ADAMTS16: variants seen among roughly 807,000 people sequenced by gnomAD.
ADAMTS16 encodes A disintegrin and metalloproteinase with thrombospondin motifs 16.
Under a neutral mutation model 145.8 loss-of-function variants are expected in ADAMTS16, and 94 were observed. That is an observed-to-expected ratio of 0.64 (90% CI 0.55 to 0.77). The LOEUF (loss-of-function observed/expected upper bound fraction) is 0.77. ADAMTS16 is among the 30% of genes least tolerant of loss of function. The probability of loss-of-function intolerance (pLI) is 0.00; values close to 1 mark genes in which losing one functional copy is unlikely to be tolerated. For synonymous variants in ADAMTS16, 659 were observed against 604.3 expected (o/e 1.09, Z -1.33); for missense variants, 1,585 against 1,591.5 (o/e 1.00, Z 0.07).
intron 8 of ADAMTS16, 62 bp downstream of exon 8, chr5:5,191,852 G>A (rs1005165593): frequency 3.1e-5 from 39 of 1,260,846 alleles, no homozygotes; most frequent in Non-Finnish European, 4.2e-5. Context: ...TGATTTCCAT[G>A]GAAATATTGA....
intron 17 of ADAMTS16, among the ~76,000 whole-genome samples, chr5:5,250,735 G>GTGTGTGTGTT (rs1737598666): frequency 1.3e-5 from 2 of 150,896 alleles, no homozygotes; most frequent in Admixed American, 1.3e-4. Flanking sequence ...GTGTGTGTGT[G>GTGTGTGTGTT]TGCGCGCACT....
chr5:5,186,771 T>C (rs1735513530), intron 5 of ADAMTS16, among the ~76,000 whole-genome samples: 1 of 152,242 alleles, frequency 6.6e-6, no homozygotes, highest in Admixed American at 6.5e-5. Context: ...TATTAATCAC[T>C]GAAGAGTGAT....
chr5:5,299,559 A>G (rs910660950), intron 18 of ADAMTS16, among the ~76,000 whole-genome samples: 1 of 152,128 alleles, frequency 6.6e-6, no homozygotes, highest in Non-Finnish European at 1.5e-5. Flanking sequence ...TTGAGAAATG[A>G]CTAAAGACTG....
At chr5:5,248,426 A>G (rs536505984) in intron 17 of ADAMTS16, among the ~76,000 whole-genome samples, 1 of 152,352 alleles carries the variant, frequency 6.6e-6, no homozygotes, top group African/African-American at 2.4e-5. Flanking sequence ...GTCTTTCCAC[A>G]GCTAATGGAT....
intron 18 of ADAMTS16, among the ~76,000 whole-genome samples, chr5:5,301,840 T>G (rs1739790081): frequency 6.6e-6 from 1 of 152,124 alleles, no homozygotes; most frequent in African/African-American, 2.4e-5. Flanking sequence ...CTGTCCTGGG[T>G]TCTCAGCACA....
intron 21 of ADAMTS16, among the ~76,000 whole-genome samples, chr5:5,309,747 CAG>C (rs1322173375): frequency 2.0e-5 from 3 of 151,952 alleles, no homozygotes; most frequent in Admixed American, 2.0e-4. Flanking sequence ...CAAGTGGAAA[CAG>C]ATACACCCAA....
At chr5:5,256,079 T>G (rs1179692952) in intron 17 of ADAMTS16, among the ~76,000 whole-genome samples, 1 of 152,240 alleles carries the variant, frequency 6.6e-6, no homozygotes, top group Non-Finnish European at 1.5e-5. Flanking sequence ...TGCTAAAACT[T>G]TCAAAGGAAC....
At chr5:5,242,819 A>G (rs1202313484) in intron 17 of ADAMTS16, among the ~76,000 whole-genome samples, 2 of 152,260 alleles carry the variant, frequency 1.3e-5, no homozygotes, top group Non-Finnish European at 2.9e-5. Flanking sequence ...GTTTTTAGCC[A>G]GAGCCAATAT....
chr5:5,142,655 T>C (rs270193), intron 2 of ADAMTS16, among the ~76,000 whole-genome samples: 70,358 of 151,738 alleles, frequency 0.46, 16,797 homozygotes, highest in East Asian at 0.66. Context: ...AAGTTGGTTC[T>C]GAAATAACTA....
At chr5:5,146,592 C>A in intron 3 of ADAMTS16, 137 bp downstream of exon 3, 1 of 994,246 alleles carries the variant, frequency 1.0e-6, no homozygotes, top group Non-Finnish European at 1.4e-6. Flanking sequence ...GGAATATTGC[C>A]AAGTAAAACT....
At chr5:5,190,584 T>C (rs1735638461) in intron 7 of ADAMTS16, among the ~76,000 whole-genome samples, 1 of 152,080 alleles carries the variant, frequency 6.6e-6, no homozygotes, top group South Asian at 2.1e-4. Context: ...GGGTGTGACT[T>C]GTAGAGGCAG....
intron 21 of ADAMTS16, among the ~76,000 whole-genome samples, chr5:5,308,115 C>T (rs1225600483): frequency 6.6e-6 from 1 of 152,250 alleles, no homozygotes; most frequent in Non-Finnish European, 1.5e-5. Flanking sequence ...AAGGTGAAGT[C>T]TTACGTTGAT....
intron 17 of ADAMTS16, among the ~76,000 whole-genome samples, chr5:5,248,222 A>G (rs530421288): frequency 6.6e-6 from 1 of 152,244 alleles, no homozygotes; most frequent in African/African-American, 2.4e-5. Flanking sequence ...TATAGTTCAC[A>G]TTATGGAAAA....
chr5:5,255,669 G>C (rs889855357), intron 17 of ADAMTS16, among the ~76,000 whole-genome samples: 5 of 152,212 alleles, frequency 3.3e-5, no homozygotes, highest in Admixed American at 2.6e-4. Flanking sequence ...CTAACTGAAA[G>C]CTTCACAGAT....
At chr5:5,187,906 T>C in intron 6 of ADAMTS16, 98 bp downstream of exon 6, 1 of 751,606 alleles carries the variant, frequency 1.3e-6, no homozygotes, top group Non-Finnish European at 2.2e-6. Flanking sequence ...TGGGTTCTTC[T>C]CTCTCGAGGG....
chr5:5,194,676 C>G (rs1735751835), intron 8 of ADAMTS16, among the ~76,000 whole-genome samples: 1 of 152,154 alleles, frequency 6.6e-6, no homozygotes, highest in South Asian at 2.1e-4. Flanking sequence ...AAGACAAACA[C>G]ATTTGTTCAG....
At chr5:5,314,027 T>C (rs1579420845) in intron 21 of ADAMTS16, among the ~76,000 whole-genome samples, 1 of 152,336 alleles carries the variant, frequency 6.6e-6, no homozygotes, top group East Asian at 1.9e-4. Context: ...TTTATATTTG[T>C]AACCAGTGGG....
intron 18 of ADAMTS16, among the ~76,000 whole-genome samples, chr5:5,287,242 T>C (rs1739139527): frequency 1.3e-5 from 2 of 152,198 alleles, no homozygotes; most frequent in South Asian, 2.1e-4. Flanking sequence ...CAGCAGCATC[T>C]ATTGGCCAGA....
chr5:5,296,134 G>A (rs190775294), intron 18 of ADAMTS16, among the ~76,000 whole-genome samples: 6 of 152,288 alleles, frequency 3.9e-5, no homozygotes, highest in Non-Finnish European at 4.4e-5. Flanking sequence ...TCCCAGCTCC[G>A]AAACCCCTTT....
Sources: allele counts gnomAD v4.1 joint callset (sites outside exome capture counted in the v4.1 genomes callset), GRCh38; gene constraint gnomAD v4.1.1; transcripts MANE v1.5; gene names NCBI Gene and HGNC (gene_info 2026-07-23, HGNC 2026-07-21).